GMDS: variants seen among roughly 807,000 people sequenced by gnomAD.
GMDS encodes the protein GDP-mannose 4,6-dehydratase.
GMDS carries 20 observed loss-of-function variants against 49.9 expected under a neutral mutation model. That is an observed-to-expected ratio of 0.40 (90% confidence interval 0.28 to 0.58). GMDS has a LOEUF of 0.58. GMDS is among the 20% of genes least tolerant of loss of function. The pLI is 0.42. For synonymous variants in GMDS, 177 were observed against 178.6 expected (o/e 0.99, Z 0.07); for missense variants, 362 against 481.4 (o/e 0.75, Z 2.32).
chr6:1,724,234 A>T (rs1356635950), intron 9 of GMDS, among the ~76,000 whole-genome samples: 1 of 152,206 alleles, frequency 6.6e-6, no homozygotes, highest in Non-Finnish European at 1.5e-5. Flanking sequence ...AAAATAAAGC[A>T]AGCATATGAA....
chr6:2,223,596 G>C (rs1447570780), intron 1 of GMDS, among the ~76,000 whole-genome samples: 4 of 152,154 alleles, frequency 2.6e-5, no homozygotes, highest in Non-Finnish European at 5.9e-5. Context: ...ATGCTAGTGG[G>C]GTAAAATCAG....
intron 9 of GMDS, among the ~76,000 whole-genome samples, chr6:1,657,870 GA>G (rs61325036): frequency 8.5e-5 from 8 of 94,042 alleles, no homozygotes; most frequent in South Asian, 3.7e-4. Context: ...AAAAAAAAAA[GA>G]AAAAGAAAAT....
chr6:1,820,146 A>C (rs1171519823), intron 7 of GMDS, among the ~76,000 whole-genome samples: 1 of 152,168 alleles, frequency 6.6e-6, no homozygotes, highest in African/African-American at 2.4e-5. Context: ...GAAACCTAAA[A>C]TCTTGAAAAC....
intron 1 of GMDS, among the ~76,000 whole-genome samples, chr6:2,152,985 CA>C (rs1348992596): frequency 2.0e-5 from 3 of 152,076 alleles, no homozygotes; most frequent in African/African-American, 7.2e-5. Flanking sequence ...GAAGCTGAGG[CA>C]GGGGCATCGC....
intron 1 of GMDS, among the ~76,000 whole-genome samples, chr6:2,145,220 C>A (rs1581709527): frequency 6.6e-6 from 1 of 152,126 alleles, no homozygotes; most frequent in African/African-American, 2.4e-5. Context: ...AAACACCAAA[C>A]GTATCTAAGA....
At chr6:1,876,710 A>G (rs9503033) in intron 7 of GMDS, among the ~76,000 whole-genome samples, 1,821 of 152,354 alleles carry the variant, frequency 0.012, 40 homozygotes, top group African/African-American at 0.041. Flanking sequence ...TATAAATACA[A>G]TATAAATGCT....
chr6:2,020,660 A>G (rs958304034), intron 4 of GMDS, among the ~76,000 whole-genome samples: 2 of 152,128 alleles, frequency 1.3e-5, no homozygotes, highest in Non-Finnish European at 2.9e-5. Context: ...TAATGGCAAA[A>G]AAAAATGCTT....
chr6:2,086,444 C>T (rs555941433), intron 4 of GMDS, among the ~76,000 whole-genome samples: 1 of 152,186 alleles, frequency 6.6e-6, no homozygotes, highest in African/African-American at 2.4e-5. Context: ...CTGTTAAAAT[C>T]CAGACCTTTC....
chr6:1,852,993 C>A (rs1237587639), intron 7 of GMDS, among the ~76,000 whole-genome samples: 1 of 151,910 alleles, frequency 6.6e-6, no homozygotes, highest in Admixed American at 6.6e-5. Context: ...TGAGCCACCG[C>A]GCCTGCCTGG....
chr6:1,821,704 G>C (rs752822901), intron 7 of GMDS, among the ~76,000 whole-genome samples: 1 of 144,046 alleles, frequency 6.9e-6, no homozygotes, highest in Non-Finnish European at 1.5e-5. Flanking sequence ...TGAAACTCTG[G>C]TCAAAACATA....
chr6:1,883,243 T>G (rs946273386), intron 7 of GMDS, among the ~76,000 whole-genome samples: 1 of 151,878 alleles, frequency 6.6e-6, no homozygotes, highest in Non-Finnish European at 1.5e-5. Context: ...ATACAAAAAT[T>G]AGCTGGGTGT....
intron 1 of GMDS, among the ~76,000 whole-genome samples, chr6:2,214,213 C>T (rs1338180259): frequency 6.6e-6 from 1 of 152,136 alleles, no homozygotes; most frequent in Non-Finnish European, 1.5e-5. Flanking sequence ...AAATTAGTCA[C>T]CATTGGAAAT....
chr6:2,020,968 G>A (rs1210978494), intron 4 of GMDS, among the ~76,000 whole-genome samples: 5 of 152,164 alleles, frequency 3.3e-5, no homozygotes, highest in Admixed American at 6.5e-5. Flanking sequence ...GAAAGGTTTT[G>A]TAACATCATC....
chr6:1,997,649 T>G (rs1489159765), intron 4 of GMDS, among the ~76,000 whole-genome samples: 1 of 152,022 alleles, frequency 6.6e-6, no homozygotes, highest in East Asian at 1.9e-4. Context: ...TCTTGTCTGT[T>G]CCCAGGAAAT....
rs1766631574 is a variant in GMDS, at chr6:1,999,985, A to ATATATATATAAAATAT, written c.346-39020_346-39019insATATTTTATATATATA. 1.8e-4 allele frequency among the ~76,000 whole-genome samples: 2 copies of ATATATATATAAAATAT among 10,950 alleles called. 1 individual carries two copies. Among genetic ancestry groups the ATATATATATAAAATAT allele is most frequent in the South Asian group, 8.5e-3 (2 of 234 alleles). 7.2% of individuals were successfully genotyped at this position (10,950 alleles called of 152,430 possible). ...TATATATATATTATATATATATTTT[A>ATATATATATAAAATAT]TATATATATATTATATATATATATT... On this transcript the variant is annotated intron_variant, in intron 4 of 10. Transcript: ENST00000380815.
chr6:1,873,973 A>C (rs1295140201), intron 7 of GMDS, among the ~76,000 whole-genome samples: 1 of 152,228 alleles, frequency 6.6e-6, no homozygotes, highest in Admixed American at 6.5e-5. Context: ...CAAAGGCCAC[A>C]GCTGTATTAG....
intron 4 of GMDS, among the ~76,000 whole-genome samples, chr6:1,973,771 T>A (rs547990639): frequency 2.7e-4 from 41 of 152,284 alleles, no homozygotes; most frequent in Non-Finnish European, 5.1e-4. Flanking sequence ...AAATAGCTAA[T>A]AATTCTTTAG....
intron 4 of GMDS, among the ~76,000 whole-genome samples, chr6:2,020,677 A>T (rs1330156924): frequency 1.3e-5 from 2 of 152,176 alleles, no homozygotes; most frequent in African/African-American, 4.8e-5. Context: ...GCTTACTGAA[A>T]TAGAAATCCA....
At chr6:1,724,751 C>A (rs574623857) in intron 9 of GMDS, among the ~76,000 whole-genome samples, 2 of 152,224 alleles carry the variant, frequency 1.3e-5, no homozygotes, top group African/African-American at 4.8e-5. Flanking sequence ...TCGGCAGTCC[C>A]TGCTATGTCA....
Sources: allele counts gnomAD v4.1 joint callset (sites outside exome capture counted in the v4.1 genomes callset), GRCh38; gene constraint gnomAD v4.1.1; transcripts MANE v1.5; gene names NCBI Gene and HGNC (gene_info 2026-07-23, HGNC 2026-07-21).